Variants in CYP2C8 observed in about 807,000 individuals in gnomAD.
CYP2C8 encodes cytochrome P450 2C8.
CYP2C8 carries 51 observed loss-of-function variants against 41.3 expected under a neutral mutation model. The observed-to-expected ratio is 1.24, with a 90% CI of 0.99 to 1.56. The LOEUF is 1.56. Among genes scored for constraint, CYP2C8 ranks in the 40% most tolerant of loss-of-function variants. CYP2C8 has a pLI of 0.00. For missense variants in CYP2C8, 651 were observed against 579.9 expected (o/e 1.12, Z -1.26); for synonymous variants, 218 against 205.8 (o/e 1.06, Z -0.51).
chr10:95,037,428 A>G, intron 8 of CYP2C8, 119 bp from the exon 9 acceptor site: 1 of 834,336 alleles, frequency 1.2e-6, no homozygotes, highest in Non-Finnish European at 2.0e-6. Flanking sequence ...ATGATTGGGT[A>G]GATGAATGAA....
Position 95,069,319 on chromosome 10 carries a change from C to T in CYP2C8, c.84G>A (p.Lys28=). ...SLWRQSCRRR[K]LPPGPTPLPI... Reference sequence around the variant, plus strand: ...GAAGAGGAGTGGGGCCAGGAGGGAGCTTCCTTCTCCTACAGCTCTGTCTCC... The same window carrying T: ...GAAGAGGAGTGGGGCCAGGAGGGAGTTTCCTTCTCCTACAGCTCTGTCTCC... Residue 28 remains lysine, a synonymous_variant, in exon 1 of 9, where the codon AAG becomes AAA. Coordinates refer to ENST00000371270, the MANE Select transcript of CYP2C8 (RefSeq NM_000770.3). The T allele has an allele frequency of 6.2e-7, 1 of 1,614,046 alleles. No individual in the cohort carries two copies. The highest frequency in any genetic ancestry group is 8.5e-7 in the Non-Finnish European group (1 of 1,179,966).
At chr10:95,060,573 G>A (rs532879356) in intron 4 of CYP2C8, among the ~76,000 whole-genome samples, 25 of 152,184 alleles carry the variant, frequency 1.6e-4, no homozygotes, top group African/African-American at 5.3e-4. Context: ...TAGATATACA[G>A]TCATGTCATC....
At chr10:95,037,360 T>A in intron 8 of CYP2C8, 51 bp from the exon 9 acceptor site, 1 of 1,523,856 alleles carries the variant, frequency 6.6e-7, no homozygotes, top group East Asian at 2.3e-5. Flanking sequence ...TAACTGTGAC[T>A]GTGACAAACA....
At chr10:95,061,530 C>G (rs935900627) in intron 4 of CYP2C8, among the ~76,000 whole-genome samples, 1 of 152,074 alleles carries the variant, frequency 6.6e-6, no homozygotes. Context: ...AGTTTTCTCT[C>G]TTTTCTTCTT....
chr10:95,054,890 T>C (rs1165426860), intron 5 of CYP2C8, among the ~76,000 whole-genome samples: 2 of 151,860 alleles, frequency 1.3e-5, no homozygotes, highest in African/African-American at 4.8e-5. Context: ...CTTAGAAAAA[T>C]AAGGAGTATC....
intron 6 of CYP2C8, 135 bp from the exon 7 acceptor site, chr10:95,043,212 C>T (rs1237697228): frequency 8.0e-6 from 6 of 751,706 alleles, no homozygotes; most frequent in Non-Finnish European, 1.1e-5. Context: ...AGAAGTACAA[C>T]CAGCCATATA....
intron 1 of CYP2C8, 81 bp downstream of exon 1, chr10:95,069,154 C>T (rs1459256364): frequency 2.1e-6 from 3 of 1,461,044 alleles, no homozygotes; most frequent in Non-Finnish European, 2.9e-6. Context: ...TAGTGTGCTT[C>T]CAGGAATATA....
At chr10:95,069,137 A>G (rs1023059774) in intron 1 of CYP2C8, 98 bp downstream of exon 1, 1 of 1,341,306 alleles carries the variant, frequency 7.5e-7, no homozygotes, top group Non-Finnish European at 1.1e-6. Flanking sequence ...ACAATGATCT[A>G]TTATAATAGT....
In CYP2C8 at chr10:95,037,180, T is replaced by C. The variant is rs1016828529; in HGVS notation, c.1421A>G (p.Lys474Arg). The change falls in exon 9 of 9, where the codon AAA becomes AGA. Residue 474 changes from lysine (K) to arginine (R), a missense_variant. By Grantham distance (26) the Lys-to-Arg change is conservative. Coordinates refer to ENST00000371270, the MANE Select transcript of CYP2C8 (RefSeq NM_000770.3). ...TGAGGGTGGCAGAGAAACAATCCCT[T>C]TGGTAACTGCAGTAGTATTGAGGTT... ...LKNLNTTAVTKGIVSLPPSYQ... is the reference protein window; with the variant it reads ...LKNLNTTAVTRGIVSLPPSYQ... The C allele has an allele frequency of 3.0e-5, 49 of 1,613,848 alleles. No individual in the cohort carries two copies. The highest frequency in any genetic ancestry group is 4.0e-5 in the African/African-American group (3 of 74,922).
intron 8 of CYP2C8, among the ~76,000 whole-genome samples, chr10:95,038,302 T>G (rs1482231056): frequency 2.0e-5 from 3 of 152,202 alleles, no homozygotes; most frequent in Non-Finnish European, 4.4e-5. Flanking sequence ...TCCTCTGAGT[T>G]GCTTACTCCA....
chr10:95,037,236 G>C lies in CYP2C8; in HGVS notation c.1365C>G (p.Asn455Lys), dbSNP rs1313168914. 1.2e-6 allele frequency: 2 copies of C among 1,613,872 alleles called. No individual in the cohort carries two copies. Among genetic ancestry groups the C allele is most frequent in the Non-Finnish European group, 1.7e-6 (2 of 1,179,846 alleles). The change falls in exon 9 of 9, where the codon AAC (asparagine) becomes AAG (lysine). Residue 455 changes from asparagine to lysine, a missense_variant. Transcript: ENST00000371270. Reference sequence around the variant, plus strand: ...AATCATCAACAGATTTCAGGTTAAAGTTCTGTAAAATTGTGGTTAGAAATA... The same window carrying C: ...AATCATCAACAGATTTCAGGTTAAACTTCTGTAAAATTGTGGTTAGAAATA... ...LFLFLTTILQ[N>K]FNLKSVDDLK...
chr10:95,053,934 T>C (rs1288120508), intron 5 of CYP2C8, among the ~76,000 whole-genome samples: 1 of 151,990 alleles, frequency 6.6e-6, no homozygotes, highest in Non-Finnish European at 1.5e-5. Context: ...AAGTATAATA[T>C]AAAAAATCAC....
At position 95,062,683 on chromosome 10, in the gene CYP2C8, A is replaced by T. The variant is rs1589446569; in HGVS notation, c.642+2117T>A. On this transcript the variant is annotated intron_variant, in intron 4 of 8. Transcript: ENST00000371270. ...TATGCTTGAATTTGATCCTGTCATT[A>T]TGATGTTAGCTGGTTATTTTGCTCG... is the stretch of plus-strand genomic sequence containing the variant. Among the ~76,000 whole-genome samples, 6 of 152,240 alleles carry T rather than the reference A, an allele frequency of 3.9e-5. 1 individual carries two copies. In the South Asian group the frequency reaches 1.2e-3, roughly 32 times the overall value.
chr10:95,055,285 A>G (rs1179019192), intron 5 of CYP2C8, among the ~76,000 whole-genome samples: 1 of 152,172 alleles, frequency 6.6e-6, no homozygotes, highest in Non-Finnish European at 1.5e-5. Context: ...AAATCCAAAC[A>G]TAAACCTAAT....
rs1217885652 is a variant in CYP2C8 at position 95,045,860 on chromosome 10, G to C, written c.911C>G (p.Thr304Ser). 1 of 1,614,028 alleles carries C rather than the reference G, an allele frequency of 6.2e-7. No individual in the cohort carries two copies. Reference sequence around the variant, plus strand: ...GAGCAGGAGTCCATATCTCAGAGTGGTGCTTGTTGTCTCTGTTCCAGCAAC... The same window carrying C: ...GAGCAGGAGTCCATATCTCAGAGTGCTGCTTGTTGTCTCTGTTCCAGCAAC... ...LFVAGTETTS[T>S]TLRYGLLLLL... Residue 304 changes from threonine (T) to serine (S), a missense_variant, in exon 6 of 9, where the codon ACC (threonine) becomes AGC (serine). Transcript: ENST00000371270.
At chr10:95,039,198 A>G (rs1255560976) in intron 7 of CYP2C8, 160 bp from the exon 8 acceptor site, 3 of 667,870 alleles carry the variant, frequency 4.5e-6, no homozygotes, top group Non-Finnish European at 8.0e-6. Context: ...CCAGTGGTGG[A>G]AGCTTGCTAA....
intron 7 of CYP2C8, among the ~76,000 whole-genome samples, chr10:95,039,836 C>T (rs2032960090): frequency 6.6e-6 from 1 of 152,136 alleles, no homozygotes; most frequent in African/African-American, 2.4e-5. Flanking sequence ...TTCATGCTCC[C>T]ACCTCATCAA....
intron 6 of CYP2C8, among the ~76,000 whole-genome samples, 186 bp downstream of exon 6, chr10:95,045,624 C>T (rs1198246883): frequency 6.6e-6 from 1 of 152,216 alleles, no homozygotes; most frequent in Non-Finnish European, 1.5e-5. Context: ...CTACTGATCT[C>T]TGTCATCCTC....
At chr10:95,061,748 A>G (rs1055019212) in intron 4 of CYP2C8, among the ~76,000 whole-genome samples, 5 of 152,114 alleles carry the variant, frequency 3.3e-5, no homozygotes, top group Admixed American at 3.3e-4. Flanking sequence ...TCAATTTTAG[A>G]TCTTTCCTGC....
Sources: gnomAD v4.1 joint callset for allele counts (sites outside exome capture counted in the v4.1 genomes callset) on GRCh38, gnomAD v4.1.1 for gene constraint, MANE v1.5 for transcripts, NCBI Gene and HGNC (gene_info 2026-07-23, HGNC 2026-07-21) for gene names.